The following HDAC9 variants were observed in gnomAD, a reference collection of about 807,000 sequenced individuals.
The protein encoded by HDAC9 is histone deacetylase 9.
HDAC9 carries 41 observed loss-of-function variants against 139.4 expected under a neutral mutation model. The observed-to-expected ratio is 0.29, with a 90% confidence interval of 0.23 to 0.38. HDAC9 has a LOEUF of 0.38. HDAC9 is among the 10% of genes least tolerant of loss of function. The probability of loss-of-function intolerance (pLI) is 1.00; values close to 1 mark genes in which losing one functional copy is unlikely to be tolerated. For missense variants in HDAC9, 1,147 were observed against 1,297.0 expected (o/e 0.88, Z 1.78); for synonymous variants, 517 against 476.2 (o/e 1.09, Z -1.12).
At chr7:18,239,658 A>T (rs1794058913) in intron 2 of HDAC9, among the ~76,000 whole-genome samples, 1 of 152,212 alleles carries the variant, frequency 6.6e-6, no homozygotes, top group African/African-American at 2.4e-5. Context: ...TTCAGATGAC[A>T]TGAAAGAGAA....
Position 18,585,261 on chromosome 7 carries a change from CT to C in HDAC9, c.23-13del, listed in dbSNP as rs757386016. On this transcript the variant is annotated intron_variant, in intron 2 of 25. Transcript: ENST00000686413. Reference sequence around the variant, plus strand: ...TATTACCCTCCCCCACCCCATTTCCCTTTTTTTCTGGTTCTTTAGTGGATGT... The same window carrying C: ...TATTACCCTCCCCCACCCCATTTCCCTTTTTTCTGGTTCTTTAGTGGATGT... 2 of 1,609,434 alleles carry C rather than the reference CT, an allele frequency of 1.2e-6. No homozygotes were observed. The highest frequency in any genetic ancestry group is 1.3e-5 in the African/African-American group (1 of 74,652).
intron 12 of HDAC9, among the ~76,000 whole-genome samples, chr7:18,706,922 A>G (rs1438503931): frequency 6.6e-6 from 1 of 152,208 alleles, no homozygotes; most frequent in Non-Finnish European, 1.5e-5. Flanking sequence ...AATAAATCCA[A>G]GTGTATGGCT....
chr7:18,547,693 C>T (rs1212067202), intron 2 of HDAC9, among the ~76,000 whole-genome samples: 1 of 152,212 alleles, frequency 6.6e-6, no homozygotes, highest in Non-Finnish European at 1.5e-5. Context: ...CAATGCTTCT[C>T]AAACCCTGCT....
chr7:18,746,632 C>T (rs1353954620), intron 13 of HDAC9, among the ~76,000 whole-genome samples: 1 of 152,106 alleles, frequency 6.6e-6, no homozygotes, highest in African/African-American at 2.4e-5. Context: ...CCAATTAATT[C>T]ATTGAGGAAA....
intron 1 of HDAC9, among the ~76,000 whole-genome samples, chr7:18,142,097 TCAC>T (rs1189960188): frequency 4.6e-5 from 7 of 152,146 alleles, no homozygotes; most frequent in African/African-American, 1.4e-4. Flanking sequence ...TTCCAGCACT[TCAC>T]CACTCTGTGT....
chr7:18,842,648 C>T (rs1246923495), intron 21 of HDAC9, among the ~76,000 whole-genome samples: 1 of 152,068 alleles, frequency 6.6e-6, no homozygotes, highest in Non-Finnish European at 1.5e-5. Flanking sequence ...GCTCTATCTG[C>T]TTTTCAGCTT....
chr7:18,577,438 C>G (rs939557410), intron 2 of HDAC9, among the ~76,000 whole-genome samples: 3 of 152,140 alleles, frequency 2.0e-5, no homozygotes, highest in Non-Finnish European at 2.9e-5. Flanking sequence ...TTTTCTGACT[C>G]GACCTGAAAT....
chr7:18,126,334 G>C (rs1349389189), intron 1 of HDAC9, among the ~76,000 whole-genome samples: 1 of 152,060 alleles, frequency 6.6e-6, no homozygotes, highest in Non-Finnish European at 1.5e-5. Context: ...GAATGATAGC[G>C]TTGGGTCAGT....
chr7:18,280,250 G>A (rs1371066716), intron 2 of HDAC9, among the ~76,000 whole-genome samples: 6 of 152,078 alleles, frequency 3.9e-5, no homozygotes, highest in Non-Finnish European at 7.4e-5. Flanking sequence ...TTAGGAGTTT[G>A]AGACCAGCTT....
chr7:18,392,309 T>TCACACA (rs1385711426), intron 1 of HDAC9, among the ~76,000 whole-genome samples: 2 of 131,244 alleles, frequency 1.5e-5, no homozygotes, highest in African/African-American at 6.5e-5. Context: ...TCTCTCTCTC[T>TCACACA]CTCTCTCACA....
At chr7:18,728,325 G>A (rs1382504000) in intron 13 of HDAC9, among the ~76,000 whole-genome samples, 1 of 151,518 alleles carries the variant, frequency 6.6e-6, no homozygotes, top group Non-Finnish European at 1.5e-5. Flanking sequence ...GTCTACAGCT[G>A]TGTTTGATAT....
intron 2 of HDAC9, among the ~76,000 whole-genome samples, chr7:18,557,412 TTTATTAC>T (rs1819174119): frequency 6.6e-6 from 1 of 151,238 alleles, no homozygotes; most frequent in African/African-American, 2.4e-5. Flanking sequence ...CTAAGTTTTC[TTTATTAC>T]AAATGTAAAT....
At chr7:18,204,622 TCA>T (rs1349184110) in intron 2 of HDAC9, among the ~76,000 whole-genome samples, 1 of 152,034 alleles carries the variant, frequency 6.6e-6, no homozygotes, top group African/African-American at 2.4e-5. Flanking sequence ...CAGTGTTGTT[TCA>T]GTTTGCATTG....
In HDAC9 at chr7:18,315,326, A is replaced by T. The variant is rs113594402; in HGVS notation, c.-42+24811A>T. On this transcript the variant is annotated intron_variant, in intron 1 of 3. Transcript: ENST00000413509. ...TAACATCTCATGAGGTGGGCATGTT[A>T]TGATCGTCCCTTTAGAATATATAAA... 1.9e-3 allele frequency among the ~76,000 whole-genome samples: 283 copies of T among 152,268 alleles called. 1 individual carries two copies. The highest frequency in any genetic ancestry group is 6.5e-3 in the African/African-American group (269 of 41,562).
intron 22 of HDAC9, among the ~76,000 whole-genome samples, chr7:18,925,425 A>AT (rs1404158858): frequency 6.6e-6 from 1 of 152,162 alleles, no homozygotes; most frequent in African/African-American, 2.4e-5. Flanking sequence ...TATACACCAT[A>AT]TAAGGGTAAT....
At chr7:18,970,633 T>G (rs1585437945) in intron 24 of HDAC9, among the ~76,000 whole-genome samples, 1 of 152,166 alleles carries the variant, frequency 6.6e-6, no homozygotes, top group East Asian at 1.9e-4. Flanking sequence ...ACTAAAAAAT[T>G]TATCTTAAAA....
chr7:18,297,614 G>C (rs569781069), intron 1 of HDAC9, among the ~76,000 whole-genome samples: 26 of 152,192 alleles, frequency 1.7e-4, no homozygotes, highest in African/African-American at 6.3e-4. Flanking sequence ...AACTAGGTTA[G>C]ATTCTTGTGA....
At chr7:18,697,265 T>G (rs1014151946) in intron 12 of HDAC9, among the ~76,000 whole-genome samples, 4 of 152,170 alleles carry the variant, frequency 2.6e-5, no homozygotes, top group African/African-American at 9.7e-5. Flanking sequence ...ATGGGATCAT[T>G]AGCCTGTTTT....
chr7:18,791,951 T>G (rs1487712177), intron 16 of HDAC9, among the ~76,000 whole-genome samples: 1 of 152,160 alleles, frequency 6.6e-6, no homozygotes, highest in Non-Finnish European at 1.5e-5. Flanking sequence ...AATTAATTAA[T>G]TCTCCAATGT....
Sources: gnomAD v4.1 joint callset for allele counts (sites outside exome capture counted in the v4.1 genomes callset) on GRCh38, gnomAD v4.1.1 for gene constraint, MANE v1.5 for transcripts, NCBI Gene and HGNC (gene_info 2026-07-23, HGNC 2026-07-21) for gene names.